Variants in DOCK6 observed in about 807,000 individuals in gnomAD.
DOCK6 encodes the protein dedicator of cytokinesis protein 6.
In DOCK6, 167 loss-of-function variants were observed where a neutral mutation model predicts 230.3. The ratio of observed to expected loss-of-function variants is 0.73; its 90% CI spans 0.64 to 0.82. The LOEUF (loss-of-function observed/expected upper bound fraction) is 0.82, where lower values mean the gene tolerates loss of function less well. Ranked by LOEUF, DOCK6 falls within the 40% of genes least tolerant of loss-of-function variation. The pLI is 0.00. For missense variants in DOCK6, 2,598 were observed against 2,825.8 expected (o/e 0.92, Z 1.83); for synonymous variants, 1,148 against 1,185.0 (o/e 0.97, Z 0.64).
At position 11,201,827 on chromosome 19, in the gene DOCK6, C is replaced by G. The variant is rs1262410494; in HGVS notation, c.5688+62G>C. 1.5e-6 allele frequency: 2 copies of G among 1,300,412 alleles called. No individual in the cohort carries two copies. The highest frequency in any genetic ancestry group is 2.7e-5 in the East Asian group (1 of 37,430). The allele number at this position is 1,300,412 out of a possible 1,614,324, so 80.6% of individuals were successfully genotyped here. On this transcript the variant is annotated intron_variant, in intron 44 of 47. Transcript: ENST00000294618. This position sits in a 1 kb window ranked among gnomAD's most constrained non-coding sequence, Gnocchi z 4.3. ...GGTCCCTGTGTCTACCCTCCCCTCCCCTCCCAGGGTCTGATGTCCCCTCAC... is the reference window on the plus strand; with the variant it reads ...GGTCCCTGTGTCTACCCTCCCCTCCGCTCCCAGGGTCTGATGTCCCCTCAC...
chr19:11,200,836 G>C lies in DOCK6; in HGVS notation c.5833-14C>G. The C allele has an allele frequency of 2.5e-6, 4 of 1,612,766 alleles. No homozygotes were observed. The highest frequency in any genetic ancestry group is 3.4e-6 in the Non-Finnish European group (4 of 1,178,866). On this transcript the variant is annotated splice_polypyrimidine_tract_variant and intron_variant, in intron 45 of 47. Coordinates refer to ENST00000294618, the MANE Select transcript of DOCK6 (RefSeq NM_020812.4). The surrounding 1 kb of genome is among the most constrained non-coding windows in gnomAD (Gnocchi z 4.3). ...CTCCAGGGGACCCTGTGGGGTGAGA[G>C]GGACTGGTGAGCCAGCCTGCATGGC...
At chr19:11,238,356 C>T (rs1315301160) in intron 14 of DOCK6, 52 bp from the exon 15 acceptor site, 6 of 1,509,198 alleles carry the variant, frequency 4.0e-6, no homozygotes, top group Middle Eastern at 2.2e-4. Flanking sequence ...TGAAGGTGCA[C>T]ATACAAGGCT....
chr19:11,215,732 TG>T, intron 31 of DOCK6, 68 bp downstream of exon 31: 1 of 1,605,766 alleles, frequency 6.2e-7, no homozygotes. Context: ...GCCCCCTTCA[TG>T]GGGTCCCCTT....
At chr19:11,210,923 A>G (rs777227463) in intron 37 of DOCK6, among the ~76,000 whole-genome samples, 2 of 144,070 alleles carry the variant, frequency 1.4e-5, no homozygotes, top group African/African-American at 5.2e-5. Context: ...TCACCTGTCT[A>G]TCCTGTCACC....
At chr19:11,213,714 A>G (rs2079432665) in intron 34 of DOCK6, among the ~76,000 whole-genome samples, 1 of 151,430 alleles carries the variant, frequency 6.6e-6, no homozygotes, top group Non-Finnish European at 1.5e-5. Flanking sequence ...CCCAGGCTCA[A>G]GCCATCCTCC....
intron 14 of DOCK6, 65 bp from the exon 15 acceptor site, chr19:11,238,369 G>A: frequency 6.9e-7 from 1 of 1,452,520 alleles, no homozygotes; most frequent in Non-Finnish European, 9.3e-7. Context: ...ACAAGGCTGG[G>A]GTGATGGGAC....
intron 7 of DOCK6, among the ~76,000 whole-genome samples, chr19:11,246,626 T>G (rs1019620521): frequency 7.9e-5 from 12 of 152,152 alleles, no homozygotes; most frequent in Non-Finnish European, 1.8e-4. Context: ...GAGCTCCTCC[T>G]CCCTGCAACC....
At chr19:11,212,305 G>A (rs1012872251) in intron 35 of DOCK6, among the ~76,000 whole-genome samples, 154 bp from the exon 36 acceptor site, 7 of 151,846 alleles carry the variant, frequency 4.6e-5, no homozygotes, top group Admixed American at 2.0e-4. Context: ...GCAGTGGCAT[G>A]ATCTCAGCTC....
In DOCK6 at chr19:11,224,978, C is replaced by T. The variant is rs187792577; in HGVS notation, c.2956-1872G>A. On this transcript the variant is annotated intron_variant, in intron 24 of 47. Coordinates refer to ENST00000294618, the MANE Select transcript of DOCK6 (RefSeq NM_020812.4). ...ACTTGGGAGGCTGAGCCAGGAGAAT[C>T]GCTTGAACCCAGGAGGAGGAGGTTG... Among the ~76,000 whole-genome samples the T allele has an allele frequency of 1.8e-4, 28 of 151,968 alleles. No homozygotes were observed. The East Asian group carries it at 3.1e-3, about 17-fold the overall frequency.
chr19:11,243,657 G>T lies in DOCK6; in HGVS notation c.1158C>A (p.Arg386=). The change falls in exon 11 of 48, where the codon CGC becomes CGA. Residue 386 remains arginine (R), a synonymous_variant. Transcript: ENST00000294618. The surrounding 1 kb of genome is among the most constrained non-coding windows in gnomAD (Gnocchi z 6.3). ...LRLAAEQFCT[R]LGRYRMPFAW... ...CGAAGGGCATGCGGTAGCGGCCCAGGCGGGTGCAGAACTGCTCGGCCGCCA... is the reference window on the plus strand; with the variant it reads ...CGAAGGGCATGCGGTAGCGGCCCAGTCGGGTGCAGAACTGCTCGGCCGCCA... 1 of 1,613,032 alleles carries T rather than the reference G, an allele frequency of 6.2e-7. No homozygotes were observed. Among genetic ancestry groups the T allele is most frequent in the Non-Finnish European group, 8.5e-7 (1 of 1,179,812 alleles).
intron 24 of DOCK6, among the ~76,000 whole-genome samples, chr19:11,223,803 C>T (rs905019911): frequency 2.6e-5 from 4 of 152,078 alleles, no homozygotes; most frequent in Admixed American, 2.0e-4. Context: ...CCCACCACCA[C>T]GCCTAGCTAA....
chr19:11,200,190 C>A lies in DOCK6; in HGVS notation c.6101+118G>T. On this transcript the variant is annotated intron_variant, in intron 47 of 47. Coordinates refer to ENST00000294618, the MANE Select transcript of DOCK6 (RefSeq NM_020812.4). The surrounding 1 kb of genome is among the most constrained non-coding windows in gnomAD (Gnocchi z 4.3). ...AAAAAACCGGAAACAAAACAAAGTCCAAGCTACCAGCAAACATGTTGCTGT... is the reference window on the plus strand; with the variant it reads ...AAAAAACCGGAAACAAAACAAAGTCAAAGCTACCAGCAAACATGTTGCTGT... 1.8e-6 allele frequency: 2 copies of A among 1,114,910 alleles called. No individual in the cohort carries two copies. The highest frequency in any genetic ancestry group is 2.5e-6 in the Non-Finnish European group (2 of 812,392). The allele number at this position is 1,114,910 out of a possible 1,614,324, so 69.1% of individuals were successfully genotyped here.
At chr19:11,230,115 C>T (rs1348336840) in intron 22 of DOCK6, among the ~76,000 whole-genome samples, 2 of 150,452 alleles carry the variant, frequency 1.3e-5, no homozygotes, top group Non-Finnish European at 2.9e-5. Flanking sequence ...AGGTAGATCA[C>T]GAGGTCAGGA....
chr19:11,243,565 G>A lies in DOCK6; in HGVS notation c.1250C>T (p.Ser417Leu), dbSNP rs1011910095. 2 of 1,602,438 alleles carry A rather than the reference G, an allele frequency of 1.2e-6. No individual in the cohort carries two copies. Among genetic ancestry groups the A allele is most frequent in the African/African-American group, 1.3e-5 (1 of 74,556 alleles). The change falls in exon 11 of 48, where the codon TCG becomes TTG. Residue 417 changes from serine to leucine, a missense_variant. Transcript: ENST00000294618. This position sits in a 1 kb window ranked among gnomAD's most constrained non-coding sequence, Gnocchi z 6.3. ...TAGCCCCGCCTCCTCACCGCCCTCC[G>A]AGTCAGAGTCCCGGTCCAGCTGCCC... ...SAGQLDRDSD[S>L]EGERRPAWTD...
At chr19:11,252,074 C>G (rs1208572787) in intron 5 of DOCK6, 45 bp downstream of exon 5, 4 of 1,570,248 alleles carry the variant, frequency 2.5e-6, no homozygotes, top group Admixed American at 3.7e-5. Flanking sequence ...AGGCCGGAGC[C>G]TCCACACATA....
chr19:11,241,474 A>G lies in DOCK6; in HGVS notation c.1643+571T>C, dbSNP rs535690161. ...ACGCTGACAAGCAGAGCCACATCCT[A>G]TGGGCCCTCACAGGCCACGTGCAGC... On this transcript the variant is annotated intron_variant, in intron 14 of 47. Transcript: ENST00000294618. 4.1e-5 allele frequency: 63 copies of G among 1,551,640 alleles called. No homozygotes were observed. The Middle Eastern group carries it at 5.3e-4, about 13-fold the overall frequency.
Position 11,239,851 on chromosome 19 carries a change from C to T in DOCK6, c.1644-1547G>A, listed in dbSNP as rs879209915. On this transcript the variant is annotated intron_variant, in intron 14 of 47. Transcript: ENST00000294618. The stretch of plus-strand genomic sequence containing the variant: ...CAGGAACAGCCTGGGTCTCTATGGC[C>T]GCACAATAGAACTCCTGGGGCAGGA... The T allele has an allele frequency of 1.4e-5, 22 of 1,599,872 alleles. No individual in the cohort carries two copies. In the Admixed American group the frequency reaches 2.3e-4, roughly 17 times the overall value.
At position 11,201,661 on chromosome 19, in the gene DOCK6, A is replaced by G. The variant is rs2079169965; in HGVS notation, c.5688+228T>C. Among the ~76,000 whole-genome samples, 1 of 150,276 alleles carries G rather than the reference A, an allele frequency of 6.7e-6. No homozygotes were observed. The highest frequency in any genetic ancestry group is 6.6e-5 in the Admixed American group (1 of 15,158). On this transcript the variant is annotated intron_variant, in intron 44 of 47. Transcript: ENST00000294618. This position sits in a 1 kb window ranked among gnomAD's most constrained non-coding sequence, Gnocchi z 4.3. ...TTTCTGGGTCTGGAATCCCTGGGCC[A>G]CCCTGGGTCTGGGGTCCCTGCATCT...
intron 21 of DOCK6, 130 bp from the exon 22 acceptor site, chr19:11,233,496 A>C: frequency 8.4e-7 from 1 of 1,194,092 alleles, no homozygotes; most frequent in Non-Finnish European, 1.1e-6. Flanking sequence ...TCTATAAAAT[A>C]GGCATAATGG....
Sources: allele counts gnomAD v4.1 joint callset (sites outside exome capture counted in the v4.1 genomes callset), GRCh38; gene constraint gnomAD v4.1.1; non-coding constraint Gnocchi (gnomAD v3.1); transcripts MANE v1.5; gene names NCBI Gene and HGNC (gene_info 2026-07-23, HGNC 2026-07-21).